The following KANSL3 variants were observed in gnomAD, a reference collection of about 807,000 sequenced individuals.
The protein encoded by KANSL3 is KAT8 regulatory NSL complex subunit 3, also known as NSL complex protein NSL3.
Under a neutral mutation model 89.2 loss-of-function variants are expected in KANSL3, and 16 were observed. The observed-to-expected ratio is 0.18, with a 90% CI of 0.12 to 0.27. KANSL3 has a LOEUF of 0.27. Among genes scored for constraint, KANSL3 ranks in the 10% least tolerant of loss-of-function variants. The pLI, the probability that KANSL3 is intolerant of heterozygous loss-of-function variation, is 1.00. For missense variants in KANSL3, 879 were observed against 1,110.6 expected (o/e 0.79, Z 2.96); for synonymous variants, 385 against 419.7 (o/e 0.92, Z 1.01).
Position 96,611,082 on chromosome 2 carries a change from A to G in KANSL3, c.1143T>C (p.Thr381=), listed in dbSNP as rs552189376. 3.7e-6 allele frequency: 6 copies of G among 1,613,980 alleles called. No homozygotes were observed. Among genetic ancestry groups the G allele is most frequent in the African/African-American group, 2.7e-5 (2 of 75,044 alleles). Residue 381 remains threonine (T), a synonymous_variant, in exon 10 of 21, where the codon ACT becomes ACC. Transcript: ENST00000431828. ...AVVCLGFPLL[T]VDGPRGDVDD... The stretch of plus-strand genomic sequence containing the variant: ...TTCTTACCCCTCTGGGGCCATCCAC[A>G]GTAAGCAGAGGAAACCCAAGGCAGA...
chr2:96,633,723 G>C (rs1298924018), intron 2 of KANSL3, among the ~76,000 whole-genome samples: 3 of 152,040 alleles, frequency 2.0e-5, no homozygotes, highest in African/African-American at 7.2e-5. Flanking sequence ...AAATTAGCTG[G>C]GTGTGGCAGC....
At position 96,610,894 on chromosome 2, in the gene KANSL3, T is replaced by C. The variant is rs2068807924; in HGVS notation, c.1162-11A>G. ...GGGATCATCTACATCCTAAAACAGGTATAGGTTTTAGAATCGGCTTCTTCA... is the reference window on the plus strand; with the variant it reads ...GGGATCATCTACATCCTAAAACAGGCATAGGTTTTAGAATCGGCTTCTTCA... On this transcript the variant is annotated splice_polypyrimidine_tract_variant and intron_variant, in intron 10 of 20. Transcript: ENST00000431828. 2 of 1,611,666 alleles carry C rather than the reference T, an allele frequency of 1.2e-6. No homozygotes were observed. Among genetic ancestry groups the C allele is most frequent in the Non-Finnish European group, 1.7e-6 (2 of 1,178,064 alleles).
chr2:96,607,168 T>C (rs1419956613), intron 14 of KANSL3: 1 of 466,230 alleles, frequency 2.1e-6, no homozygotes, highest in African/African-American at 2.0e-5. Flanking sequence ...AATTACTGCA[T>C]GGCAACCTGA....
At chr2:96,609,469 C>T (rs1277833238) in intron 12 of KANSL3, 30 bp downstream of exon 12, 2 of 1,606,718 alleles carry the variant, frequency 1.2e-6, no homozygotes. Context: ...GCAAGCCTAG[C>T]TGAGAAAAGC....
downstream of KANSL3, among the ~76,000 whole-genome samples, chr2:96,588,309 T>A (rs1026286653): frequency 6.6e-6 from 1 of 152,162 alleles, no homozygotes; most frequent in Non-Finnish European, 1.5e-5. Flanking sequence ...GAATATCTCA[T>A]CAGAAAACAA....
In KANSL3 at chr2:96,612,272, A is replaced by G. The variant is rs1242455560; in HGVS notation, c.1086+10T>C. ...CAGGACAACCTCCAAATAAGATAGA[A>G]ATTACTTACATGACAGGCCACCAAA... On this transcript the variant is annotated intron_variant, in intron 9 of 20. Coordinates refer to ENST00000431828, the MANE Select transcript of KANSL3 (RefSeq NM_001115016.3). 1 of 1,595,982 alleles carries G rather than the reference A, an allele frequency of 6.3e-7. No homozygotes were observed.
chr2:96,596,573 G>A (rs1332166911), intron 20 of KANSL3, among the ~76,000 whole-genome samples: 1 of 152,234 alleles, frequency 6.6e-6, no homozygotes, highest in Non-Finnish European at 1.5e-5. Flanking sequence ...TTGGGAGGCT[G>A]AGGTGGGAAG....
At chr2:96,600,891 G>A in intron 20 of KANSL3, 1 of 985,428 alleles carries the variant, frequency 1.0e-6, no homozygotes, top group Non-Finnish European at 1.2e-6. Context: ...GTCAAAGAAA[G>A]AGTATTATAC....
intron 20 of KANSL3, chr2:96,600,989 T>C (rs965033099): frequency 3.3e-5 from 24 of 722,886 alleles, no homozygotes; most frequent in Non-Finnish European, 3.7e-5. Context: ...CTCCATGTCC[T>C]TAAAAACAAA....
intron 20 of KANSL3, among the ~76,000 whole-genome samples, chr2:96,596,765 A>G (rs2066575993): frequency 6.6e-6 from 1 of 152,248 alleles, no homozygotes; most frequent in Admixed American, 6.5e-5. Flanking sequence ...GCCTGCTACA[A>G]GGCTACAGTG....
At chr2:96,607,141 A>C in intron 14 of KANSL3, 11 of 691,964 alleles carry the variant, frequency 1.6e-5, no homozygotes, top group Non-Finnish European at 2.4e-5. Flanking sequence ...AAAATGGCCA[A>C]TAGGGGCTCC....
downstream of KANSL3, among the ~76,000 whole-genome samples, chr2:96,588,438 TA>T (rs2066254903): frequency 6.6e-6 from 1 of 152,030 alleles, no homozygotes; most frequent in African/African-American, 2.4e-5. Flanking sequence ...AAAGGAAAAT[TA>T]AAAGAATGTG....
the KANSL3 span, among the ~76,000 whole-genome samples, chr2:96,587,021 A>T: frequency 6.6e-6 from 1 of 152,216 alleles, no homozygotes; most frequent in South Asian, 2.1e-4. Flanking sequence ...TATTAGTCAC[A>T]TATTAACTTA....
At chr2:96,595,907 C>A (rs541811787) in intron 20 of KANSL3, among the ~76,000 whole-genome samples, 2 of 152,310 alleles carry the variant, frequency 1.3e-5, no homozygotes, top group East Asian at 3.9e-4. Context: ...TAGATGACAG[C>A]ATCTACTTTC....
chr2:96,611,903 A>ATATGTGTGTGTGTGTG (rs376030964), intron 9 of KANSL3, among the ~76,000 whole-genome samples: 6,850 of 113,196 alleles, frequency 0.061, 324 homozygotes, highest in South Asian at 0.17. Context: ...ATATACCCAT[A>ATATGTGTGTGTGTGTG]TGTGTGTGTG....
At chr2:96,611,872 CTT>C (rs1303575142) in intron 9 of KANSL3, among the ~76,000 whole-genome samples, 1 of 117,384 alleles carries the variant, frequency 8.5e-6, no homozygotes, top group East Asian at 2.5e-4. Flanking sequence ...AAAAAGGGAT[CTT>C]TTTTTTTTTT....
At chr2:96,583,819 T>C in the KANSL3 span, among the ~76,000 whole-genome samples, 1 of 152,250 alleles carries the variant, frequency 6.6e-6, no homozygotes, top group African/African-American at 2.4e-5. Context: ...AGTGGTTTAC[T>C]ATAATAGACT....
At chr2:96,586,700 C>T in the KANSL3 span, among the ~76,000 whole-genome samples, 15 of 152,218 alleles carry the variant, frequency 9.9e-5, no homozygotes, top group Admixed American at 6.5e-5. Context: ...GATCATCGCA[C>T]ACTACAGGCT....
Position 96,610,772 on chromosome 2 carries a change from C to A in KANSL3, c.1273G>T (p.Ala425Ser). Reference sequence around the variant, plus strand: ...CCAACCACCACCAAGCTGTTCTCAGCTCGAATCTTCTCCCGGAAGTCCTCC... The same window carrying A: ...CCAACCACCACCAAGCTGTTCTCAGATCGAATCTTCTCCCGGAAGTCCTCC... ...AMEDFREKIRAENSLVVVGGA... is the reference protein window; with the variant it reads ...AMEDFREKIRSENSLVVVGGA... Residue 425 changes from alanine to serine, a missense_variant, in exon 11 of 21, where the codon GCT becomes TCT. Ala to Ser is a moderately conservative substitution (Grantham distance 99, BLOSUM62 1). Transcript: ENST00000431828. 1 of 1,614,020 alleles carries A rather than the reference C, an allele frequency of 6.2e-7. No homozygotes were observed. The highest frequency in any genetic ancestry group is 8.5e-7 in the Non-Finnish European group (1 of 1,179,900).
Sources: allele counts gnomAD v4.1 joint callset (sites outside exome capture counted in the v4.1 genomes callset), GRCh38; gene constraint gnomAD v4.1.1; transcripts MANE v1.5; gene names NCBI Gene and HGNC (gene_info 2026-07-23, HGNC 2026-07-21).